Variants in NALF1 observed in about 807,000 individuals in gnomAD.
The protein encoded by NALF1 is NALCN channel auxiliary factor 1.
In NALF1, 3 loss-of-function variants were observed where a neutral mutation model predicts 48.4. That is an observed-to-expected ratio of 0.06 (90% CI 0.03 to 0.16). The LOEUF is 0.16. Among genes scored for constraint, NALF1 ranks in the 10% least tolerant of loss-of-function variants. The probability of loss-of-function intolerance (pLI) is 1.00; values close to 1 mark genes in which losing one functional copy is unlikely to be tolerated. For synonymous variants in NALF1, 262 were observed against 245.7 expected (o/e 1.07, Z -0.62); for missense variants, 526 against 571.5 (o/e 0.92, Z 0.81).
intron 1 of NALF1, among the ~76,000 whole-genome samples, chr13:107,246,078 A>G (rs1319460117): frequency 1.3e-5 from 2 of 152,174 alleles, no homozygotes; most frequent in African/African-American, 4.8e-5. Flanking sequence ...CTCATTCTGC[A>G]CAATGAGGTT....
chr13:107,270,632 C>T (rs971232129), intron 1 of NALF1, among the ~76,000 whole-genome samples: 1 of 145,184 alleles, frequency 6.9e-6, no homozygotes, highest in Non-Finnish European at 1.5e-5. Flanking sequence ...ATAAGGAAAA[C>T]TGGAAACTTT....
chr13:107,724,075 T>C (rs983570398), intron 1 of NALF1, among the ~76,000 whole-genome samples: 3 of 152,164 alleles, frequency 2.0e-5, no homozygotes. Context: ...GACGTAATAC[T>C]GCTTACAAAG....
chr13:107,397,507 C>T (rs902459772), intron 1 of NALF1, among the ~76,000 whole-genome samples: 13 of 152,116 alleles, frequency 8.5e-5, no homozygotes, highest in Non-Finnish European at 1.6e-4. Flanking sequence ...AAATGATTGG[C>T]GGGCACATCT....
chr13:107,680,372 T>G (rs1359205516), intron 1 of NALF1, among the ~76,000 whole-genome samples: 1 of 151,692 alleles, frequency 6.6e-6, no homozygotes, highest in Non-Finnish European at 1.5e-5. Context: ...TGAATTATTT[T>G]TGCTCTCATG....
intron 1 of NALF1, among the ~76,000 whole-genome samples, chr13:107,778,783 A>C (rs1308192652): frequency 6.6e-6 from 1 of 152,024 alleles, no homozygotes; most frequent in East Asian, 1.9e-4. Flanking sequence ...CCACTCATTC[A>C]TCAGGTCAGT....
intron 1 of NALF1, among the ~76,000 whole-genome samples, chr13:107,735,392 T>C (rs1018811186): frequency 7.2e-5 from 11 of 152,172 alleles, no homozygotes; most frequent in Admixed American, 7.2e-4. Flanking sequence ...TGGCCAAATG[T>C]TTTCAGCCAG....
chr13:107,699,559 G>A (rs572241252), intron 1 of NALF1, among the ~76,000 whole-genome samples: 2 of 152,164 alleles, frequency 1.3e-5, no homozygotes, highest in African/African-American at 4.8e-5. Flanking sequence ...AGGGGTATGA[G>A]GGACAGAAAA....
At chr13:107,227,303 GC>G (rs1880126254) in intron 1 of NALF1, among the ~76,000 whole-genome samples, 2 of 152,168 alleles carry the variant, frequency 1.3e-5, no homozygotes, top group African/African-American at 4.8e-5. Context: ...CTTCCAGAGA[GC>G]CCTCTGTGTC....
intron 1 of NALF1, among the ~76,000 whole-genome samples, chr13:107,857,499 C>T (rs1490854824): frequency 6.6e-6 from 1 of 152,172 alleles, no homozygotes; most frequent in East Asian, 1.9e-4. Flanking sequence ...GGTTTCTCCC[C>T]TTGTCCTCTC....
At chr13:107,243,338 C>T (rs1880514906) in intron 1 of NALF1, among the ~76,000 whole-genome samples, 2 of 152,194 alleles carry the variant, frequency 1.3e-5, no homozygotes, top group African/African-American at 4.8e-5. Flanking sequence ...ATGTCATCTC[C>T]TCAGAGTGAG....
At chr13:107,314,283 G>A (rs186476949) in intron 1 of NALF1, among the ~76,000 whole-genome samples, 7 of 152,130 alleles carry the variant, frequency 4.6e-5, no homozygotes, top group East Asian at 1.9e-4. Flanking sequence ...TCTGGAATCC[G>A]CTTTCCACTT....
intron 1 of NALF1, among the ~76,000 whole-genome samples, chr13:107,336,607 C>T (rs1433778823): frequency 6.6e-6 from 1 of 152,100 alleles, no homozygotes; most frequent in Non-Finnish European, 1.5e-5. Flanking sequence ...AACTCACACA[C>T]TCTCAACCAA....
At chr13:107,528,636 T>C (rs1876522600) in intron 1 of NALF1, among the ~76,000 whole-genome samples, 1 of 152,070 alleles carries the variant, frequency 6.6e-6, no homozygotes, top group Admixed American at 6.6e-5. Context: ...AAGCCAGAAC[T>C]GAGAATAAAT....
chr13:107,842,678 ACCTG>A (rs2138636142), intron 1 of NALF1, among the ~76,000 whole-genome samples: 1 of 150,612 alleles, frequency 6.6e-6, no homozygotes, highest in South Asian at 2.1e-4. Context: ...ACAAAAGTAG[ACCTG>A]CCATAAAGAA....
At chr13:107,621,058 A>G (rs2138440584) in intron 1 of NALF1, among the ~76,000 whole-genome samples, 1 of 152,154 alleles carries the variant, frequency 6.6e-6, no homozygotes, top group African/African-American at 2.4e-5. Flanking sequence ...CATATTGTTC[A>G]TGGTACCTGG....
chr13:107,284,869 G>A (rs941519397), intron 1 of NALF1, among the ~76,000 whole-genome samples: 10 of 151,996 alleles, frequency 6.6e-5, no homozygotes, highest in Non-Finnish European at 1.0e-4. Flanking sequence ...TTCCAGAGCC[G>A]CGAGAAGTTC....
intron 1 of NALF1, among the ~76,000 whole-genome samples, chr13:107,637,849 G>A (rs1250535872): frequency 2.0e-5 from 3 of 152,088 alleles, no homozygotes; most frequent in East Asian, 3.9e-4. Context: ...GGGATCCAAA[G>A]GACCATCCCA....
At chr13:107,274,585 TA>T (rs201914837) in intron 1 of NALF1, among the ~76,000 whole-genome samples, 88 of 151,120 alleles carry the variant, frequency 5.8e-4, no homozygotes, top group African/African-American at 1.8e-3. Context: ...TTAATTAATT[TA>T]AAAAAAAATA....
intron 1 of NALF1, among the ~76,000 whole-genome samples, chr13:107,833,072 G>C (rs1361402804): frequency 1.3e-5 from 2 of 152,138 alleles, no homozygotes; most frequent in South Asian, 2.1e-4. Context: ...CCATCTCCTA[G>C]CTAATGGTAC....
Sources: gnomAD v4.1 joint callset for allele counts (sites outside exome capture counted in the v4.1 genomes callset) on GRCh38, gnomAD v4.1.1 for gene constraint, MANE v1.5 for transcripts, NCBI Gene and HGNC (gene_info 2026-07-23, HGNC 2026-07-21) for gene names.